Variants in WWOX observed in about 807,000 individuals in gnomAD.
WWOX encodes WW domain containing oxidoreductase.
Under a neutral mutation model 46.2 loss-of-function variants are expected in WWOX, and 69 were observed. That is an observed-to-expected ratio of 1.49 (90% CI 1.23 to 1.82). The LOEUF is 1.82. Among genes scored for constraint, WWOX ranks in the 40% most tolerant of loss-of-function variants. WWOX has a pLI of 0.00. For missense variants in WWOX, 919 were observed against 542.6 expected, an observed-to-expected ratio of 1.69 and a Z score of -6.89; for synonymous variants, 359 against 202.6, an observed-to-expected ratio of 1.77 and a Z score of -6.56.
At chr16:78,492,733 G>C (rs1748365741) in intron 8 of WWOX, among the ~76,000 whole-genome samples, 1 of 152,180 alleles carries the variant, frequency 6.6e-6, no homozygotes, top group South Asian at 2.1e-4. Flanking sequence ...ATGATTCAGG[G>C]AGTAATTGGT....
chr16:78,182,226 G>A (rs1051406316), intron 5 of WWOX, among the ~76,000 whole-genome samples: 6 of 152,188 alleles, frequency 3.9e-5, no homozygotes, highest in Non-Finnish European at 7.3e-5. Context: ...GAACTGAAGT[G>A]CTAATGTGAA....
chr16:78,442,863 C>G lies in WWOX; in HGVS notation c.1056+10111C>G, dbSNP rs905264764. ...GCTGGCTGGTCATGGTGGCTCATGC[C>G]TGTAATCCCAGCACTTTGGGAGGCC... On this transcript the variant is annotated intron_variant, in intron 8 of 8. Transcript: ENST00000566780. 3.9e-5 allele frequency among the ~76,000 whole-genome samples: 6 copies of G among 151,994 alleles called. No individual in the cohort carries two copies. The South Asian group carries it at 1.2e-3, about 32-fold the overall frequency.
At chr16:78,494,201 C>G (rs976522801) in intron 8 of WWOX, among the ~76,000 whole-genome samples, 3 of 152,132 alleles carry the variant, frequency 2.0e-5, no homozygotes, top group Non-Finnish European at 2.9e-5. Context: ...AGAACTCTTT[C>G]ACAAGACAGC....
chr16:78,460,154 G>C (rs2083916576), intron 8 of WWOX, among the ~76,000 whole-genome samples: 1 of 148,542 alleles, frequency 6.7e-6, no homozygotes. Context: ...ACCCTAAAGA[G>C]TCTCGCTCTT....
chr16:78,428,394 A>G (rs1375816391), intron 7 of WWOX, among the ~76,000 whole-genome samples: 1 of 152,208 alleles, frequency 6.6e-6, no homozygotes. Context: ...GAGGACTGTC[A>G]GTGCTAGCTA....
intron 8 of WWOX, among the ~76,000 whole-genome samples, chr16:78,792,131 C>T (rs950738575): frequency 3.9e-5 from 6 of 152,248 alleles, no homozygotes; most frequent in Non-Finnish European, 7.4e-5. Context: ...TGCTGCATCA[C>T]AAACCACCAT....
At chr16:78,790,716 G>C (rs551211338) in intron 8 of WWOX, among the ~76,000 whole-genome samples, 1 of 152,198 alleles carries the variant, frequency 6.6e-6, no homozygotes, top group Admixed American at 6.5e-5. Flanking sequence ...CAAATAAGTA[G>C]TACTAGTAAC....
At chr16:78,697,308 G>T (rs368560092) in intron 8 of WWOX, among the ~76,000 whole-genome samples, 1 of 152,098 alleles carries the variant, frequency 6.6e-6, no homozygotes, top group African/African-American at 2.4e-5. Context: ...CCTGCTCACC[G>T]CATTCACGCC....
At position 79,179,356 on chromosome 16, in the gene WWOX, C is replaced by T. The variant is rs556230760; in HGVS notation, c.1057-32252C>T. Among the ~76,000 whole-genome samples, 5 of 152,304 alleles carry T rather than the reference C, an allele frequency of 3.3e-5. No individual in the cohort carries two copies. In the South Asian group the frequency reaches 1.0e-3, roughly 32 times the overall value. On this transcript the variant is annotated intron_variant, in intron 8 of 8. Transcript: ENST00000566780. ...TGAGAGGTACTCTTAGCAAATCACG[C>T]CTTATTCCTAGGCAGACTTCTTGGG...
At chr16:78,800,706 T>C (rs1036375920) in intron 8 of WWOX, among the ~76,000 whole-genome samples, 4 of 152,196 alleles carry the variant, frequency 2.6e-5, no homozygotes, top group Non-Finnish European at 5.9e-5. Flanking sequence ...ACTTCAGGCC[T>C]CTTTTCAGAA....
intron 5 of WWOX, among the ~76,000 whole-genome samples, chr16:78,386,499 A>G (rs1480436475): frequency 1.3e-5 from 2 of 152,124 alleles, no homozygotes; most frequent in Non-Finnish European, 2.9e-5. Flanking sequence ...GCATCTTTCC[A>G]TGATCGAGGC....
intron 8 of WWOX, among the ~76,000 whole-genome samples, chr16:78,560,452 G>C (rs184053531): frequency 2.8e-3 from 424 of 152,232 alleles, no homozygotes; most frequent in African/African-American, 9.5e-3. Flanking sequence ...AAACCAGCCT[G>C]GCCAACATGG....
At chr16:78,571,321 G>A (rs1327812723) in intron 8 of WWOX, among the ~76,000 whole-genome samples, 1 of 152,170 alleles carries the variant, frequency 6.6e-6, no homozygotes, top group Admixed American at 6.5e-5. Context: ...ACACTTGGGA[G>A]CCAAAATTCA....
At chr16:78,462,324 C>T (rs952238657) in intron 8 of WWOX, among the ~76,000 whole-genome samples, 1 of 151,538 alleles carries the variant, frequency 6.6e-6, no homozygotes, top group Non-Finnish European at 1.5e-5. Flanking sequence ...CAGTAGCTAA[C>T]GAGGGCTGTG....
intron 6 of WWOX, among the ~76,000 whole-genome samples, chr16:78,402,880 C>G (rs1030198504): frequency 6.6e-6 from 1 of 152,208 alleles, no homozygotes; most frequent in Admixed American, 6.5e-5. Flanking sequence ...GACCACTCCA[C>G]TACCACATGT....
chr16:78,484,248 C>A (rs1188452498), intron 8 of WWOX, among the ~76,000 whole-genome samples: 1 of 152,110 alleles, frequency 6.6e-6, no homozygotes, highest in African/African-American at 2.4e-5. Flanking sequence ...TCTCTTTAGG[C>A]CTTGGCATAT....
At chr16:78,803,082 A>G (rs143248957) in intron 8 of WWOX, among the ~76,000 whole-genome samples, 1 of 151,874 alleles carries the variant, frequency 6.6e-6, no homozygotes, top group African/African-American at 2.4e-5. Context: ...TTTTTAAAAA[A>G]TGTCTTGGAA....
intron 8 of WWOX, among the ~76,000 whole-genome samples, chr16:78,644,294 C>G (rs942987725): frequency 2.0e-5 from 3 of 152,146 alleles, no homozygotes; most frequent in Admixed American, 6.5e-5. Flanking sequence ...AGCATCTGAT[C>G]AGACAGGTAG....
chr16:79,051,673 C>A (rs2048170005), intron 8 of WWOX, among the ~76,000 whole-genome samples: 1 of 152,220 alleles, frequency 6.6e-6, no homozygotes, highest in Non-Finnish European at 1.5e-5. Context: ...ATTTGATTTG[C>A]ACTGTTTCAC....
Sources: gnomAD v4.1 joint callset for allele counts (sites outside exome capture counted in the v4.1 genomes callset) on GRCh38, gnomAD v4.1.1 for gene constraint, MANE v1.5 for transcripts, NCBI Gene and HGNC (gene_info 2026-07-23, HGNC 2026-07-21) for gene names.